AGRN: variants seen among roughly 807,000 people sequenced by gnomAD.
AGRN encodes the protein agrin.
AGRN carries 106 observed loss-of-function variants against 211.0 expected under a neutral mutation model. The ratio of observed to expected loss-of-function variants is 0.50; its 90% CI spans 0.43 to 0.59. The LOEUF (loss-of-function observed/expected upper bound fraction) is 0.59. Among genes scored for constraint, AGRN ranks in the 20% least tolerant of loss-of-function variants. The pLI is 0.00. For synonymous variants in AGRN, 1,525 were observed against 1,332.5 expected (o/e 1.14, Z -3.15); for missense variants, 3,040 against 2,982.6 (o/e 1.02, Z -0.45).
chr1:1,050,078 G>GTT, intron 27 of AGRN, 41 bp downstream of exon 27: 1 of 1,458,834 alleles, frequency 6.9e-7, no homozygotes, highest in African/African-American at 1.7e-5. Context: ...GGGGGGGGGG[G>GTT]TTGAACGTTT....
chr1:1,032,952 C>T lies in AGRN; in HGVS notation c.464-2325C>T, dbSNP rs1644704697. 6.6e-6 allele frequency among the ~76,000 whole-genome samples: 1 copy of T among 152,056 alleles called. No individual in the cohort carries two copies. Among genetic ancestry groups the T allele is most frequent in the African/African-American group, 2.4e-5 (1 of 41,410 alleles). ...GGCCCCTCCCTTACCCCCGGATCCC[C>T]CGGCTGGGCAGCGGCCAGGGAGAGG... is the stretch of plus-strand genomic sequence containing the variant. On this transcript the variant is annotated intron_variant, in intron 2 of 35. Transcript: ENST00000379370. This position sits in a 1 kb window ranked among gnomAD's most constrained non-coding sequence, Gnocchi z 4.7.
chr1:1,044,863 A>G (rs923651986), intron 12 of AGRN, among the ~76,000 whole-genome samples: 48 of 152,198 alleles, frequency 3.2e-4, no homozygotes, highest in Admixed American at 3.0e-3. Context: ...TGACGTCTTC[A>G]GATGTCTGTT....
In AGRN at chr1:1,022,296, C is replaced by T. The variant is rs771686237; in HGVS notation, c.297C>T (p.Asp99=). 15 of 1,613,200 alleles carry T rather than the reference C, an allele frequency of 9.3e-6. No homozygotes were observed. In the East Asian group the frequency reaches 2.5e-4, roughly 26 times the overall value. The change falls in exon 2 of 36, where the codon GAC becomes GAT. Residue 99 remains aspartate (D), a synonymous_variant. Transcript: ENST00000379370. ...AGGTGGTGATCAGCGGCTTTGGAGA[C>T]CCCCTCATCTGTGACAACCAGGTGT... is the stretch of plus-strand genomic sequence containing the variant. ...GNKVVISGFG[D]PLICDNQVST...
At position 1,031,145 on chromosome 1, in the gene AGRN, T is replaced by C. The variant is rs1181763408; in HGVS notation, c.464-4132T>C. Among the ~76,000 whole-genome samples, 1 of 130,440 alleles carries C rather than the reference T, an allele frequency of 7.7e-6. No individual in the cohort carries two copies. The highest frequency in any genetic ancestry group is 3.0e-5 in the African/African-American group (1 of 32,988). 85.6% of individuals were successfully genotyped at this position (130,440 alleles called of 152,430 possible). A position where few individuals can be genotyped will look rare whatever the true frequency, so the allele number is the denominator to read the frequency against. ...GTGAGATGTGTGTGTGTGCAGTGCA[T>C]GGTGCTGTGTGAGATTGTGTGTGTG... On this transcript the variant is annotated intron_variant, in intron 2 of 35. Transcript: ENST00000379370. The surrounding 1 kb of genome is among the most constrained non-coding windows in gnomAD (Gnocchi z 4.8).
In AGRN at chr1:1,040,697, G is replaced by T; in HGVS notation, c.544G>T (p.Val182Leu). The change falls in exon 4 of 36, where the codon GTG (valine) becomes TTG (leucine). Residue 182 changes from valine (V) to leucine (L), a missense_variant. Around this residue, in one of 3 missense-constraint regions of AGRN, gnomAD observed 1,498 missense variants for 1,457.8 expected, o/e 1.03. Transcript: ENST00000379370. ...CRGMLCGFGA[V>L]CEPNAEGPGR... is the part of the protein sequence containing the mutation. ...GGGAATGCTGTGCGGCTTCGGCGCC[G>T]TGTGCGAGCCCAACGCGGAGGGGCC... 4 of 1,547,586 alleles carry T rather than the reference G, an allele frequency of 2.6e-6. No individual in the cohort carries two copies. The highest frequency in any genetic ancestry group is 3.5e-6 in the Non-Finnish European group (4 of 1,146,742).
intron 2 of AGRN, among the ~76,000 whole-genome samples, chr1:1,029,681 G>A (rs1156307422): frequency 8.7e-6 from 1 of 114,730 alleles, no homozygotes; most frequent in African/African-American, 3.1e-5. Flanking sequence ...ATGTGTGTGT[G>A]TGTGTGCAGT....
At chr1:1,034,989 C>G (rs1328698140) in intron 2 of AGRN, 7 of 555,308 alleles carry the variant, frequency 1.3e-5, no homozygotes, top group Non-Finnish European at 2.3e-5. Flanking sequence ...CTGCGGTGGA[C>G]TCTTCCAGGG....
At chr1:1,020,492 C>A in intron 1 of AGRN, 119 bp downstream of exon 1, 2 of 1,038,984 alleles carry the variant, frequency 1.9e-6, no homozygotes, top group South Asian at 2.2e-5. Context: ...GCTCCCTTGG[C>A]GACCGCCAAG....
chr1:1,025,206 G>A (rs1343118460), intron 2 of AGRN, among the ~76,000 whole-genome samples: 1 of 152,132 alleles, frequency 6.6e-6, no homozygotes, highest in African/African-American at 2.4e-5. Flanking sequence ...GGGGGCCAGG[G>A]TCAGAGTGAG....
At position 1,045,876 on chromosome 1, in the gene AGRN, GGTGA is replaced by G. The variant is rs1557709371; in HGVS notation, c.2680+6_2680+9del. ...CCTGGGCCCCGCGGGCTGTGAAGCT[GGTGA>G]GTGAGGGCCAGCGCTACCCTGGGGC... is the stretch of plus-strand genomic sequence containing the variant. On this transcript the variant is annotated splice_donor_variant and splice_donor_region_variant and intron_variant, in intron 15 of 35. Transcript: ENST00000379370. LOFTEE classifies it high-confidence loss of function. 3 of 1,610,624 alleles carry G rather than the reference GGTGA, an allele frequency of 1.9e-6. No homozygotes were observed. The highest frequency in any genetic ancestry group is 2.5e-6 in the Non-Finnish European group (3 of 1,179,884).
At position 1,055,139 on chromosome 1, in the gene AGRN, AG is replaced by A. The variant is rs1257900167; in HGVS notation, c.*161del. ...CGTGCTGCAGACAGACCTAGTGCCG[AG>A]GGATGGACAGGCGAGGTGGCAGCGT... On this transcript the variant is annotated 3_prime_UTR_variant, in exon 36 of 36. Coordinates refer to ENST00000379370, the MANE Select transcript of AGRN (RefSeq NM_198576.4). 7 of 1,162,678 alleles carry A rather than the reference AG, an allele frequency of 6.0e-6. No homozygotes were observed. Among genetic ancestry groups the A allele is most frequent in the Non-Finnish European group, 8.5e-6 (7 of 818,874 alleles). The allele number at this position is 1,162,678 out of a possible 1,614,324, so 72.0% of individuals were successfully genotyped here.
intron 2 of AGRN, among the ~76,000 whole-genome samples, chr1:1,026,175 T>C (rs557246670): frequency 4.4e-4 from 67 of 152,262 alleles, no homozygotes; most frequent in Non-Finnish European, 8.4e-4. Context: ...CTGGCTCCAT[T>C]GTTCCTGCAG....
chr1:1,036,588 G>A (rs1176986765), intron 3 of AGRN, among the ~76,000 whole-genome samples: 1 of 152,164 alleles, frequency 6.6e-6, no homozygotes, highest in African/African-American at 2.4e-5. Context: ...GCAGCGCTGG[G>A]CCTGGGGTGA....
chr1:1,030,888 CAT>C (rs1491478372), intron 2 of AGRN, among the ~76,000 whole-genome samples: 129 of 66,390 alleles, frequency 1.9e-3, no homozygotes, highest in Middle Eastern at 0.02. Flanking sequence ...GTGAGATCAG[CAT>C]GTGTGTGTGT....
Position 1,049,319 on chromosome 1 carries a change from G to C in AGRN, c.4382G>C (p.Arg1461Pro). 6.3e-7 allele frequency: 1 copy of C among 1,597,784 alleles called. No individual in the cohort carries two copies. Among genetic ancestry groups the C allele is most frequent in the Non-Finnish European group, 8.5e-7 (1 of 1,179,250 alleles). The change falls in exon 25 of 36, where the codon CGG (arginine) becomes CCG (proline). Residue 1461 changes from arginine (R) to proline (P), a missense_variant. By Grantham distance (103) the Arg-to-Pro change is moderately radical. This residue lies in a region of AGRN where 1,537 missense variants were observed against 1,505.0 expected (regional missense o/e 1.02). Transcript: ENST00000379370. ...PGQWHRLELS[R>P]HWRRGTLSVD... ...CAGTGGCACCGCCTGGAGCTGTCCC[G>C]GCACTGGCGCCGGGGCACCCTCTCG...
In AGRN at chr1:1,049,259, CG is replaced by C. The variant is rs758239359; in HGVS notation, c.4324del (p.Val1442CysfsTer2). The C allele has an allele frequency of 6.3e-7, 1 of 1,589,312 alleles. No individual in the cohort carries two copies. The highest frequency in any genetic ancestry group is 1.7e-5 in the Admixed American group (1 of 59,176). On this transcript the variant is annotated frameshift_variant, in exon 25 of 36. Coordinates refer to ENST00000379370, the MANE Select transcript of AGRN (RefSeq NM_198576.4). LOFTEE classifies it high-confidence loss of function. ...QLRFDTGSGP[A>X]VLTSAVPVEP... ...AGGTTTGACACAGGTTCGGGGCCGG[CG>C]GTGCTGACCAGTGCCGTGCCGGTAG...
At position 1,051,543 on chromosome 1, in the gene AGRN, G is replaced by A; in HGVS notation, c.5461G>A (p.Ala1821Thr). 1 of 1,570,528 alleles carries A rather than the reference G, an allele frequency of 6.4e-7. No homozygotes were observed. The highest frequency in any genetic ancestry group is 8.6e-7 in the Non-Finnish European group (1 of 1,157,628). ...CTTTGCAGGTCACCCCTGCACCCGG[G>A]CCTCAGGCCACCCCTGCCTCAATGG... ...TSFAGHPCTRASGHPCLNGAS... is the reference protein window; with the variant it reads ...TSFAGHPCTRTSGHPCLNGAS... The change falls in exon 32 of 36, where the codon GCC becomes ACC. Residue 1821 changes from alanine to threonine, a missense_variant. Physicochemically the swap from Ala to Thr is moderately conservative, Grantham distance 58. This residue lies in a region of AGRN where 1,537 missense variants were observed against 1,505.0 expected (regional missense o/e 1.02). Coordinates refer to ENST00000379370, the MANE Select transcript of AGRN (RefSeq NM_198576.4).
chr1:1,048,732 A>T lies in AGRN; in HGVS notation c.4106-135A>T. 2.8e-6 allele frequency: 3 copies of T among 1,074,122 alleles called. No individual in the cohort carries two copies. The highest frequency in any genetic ancestry group is 3.9e-6 in the Non-Finnish European group (3 of 774,040). 66.5% of individuals were successfully genotyped at this position (1,074,122 alleles called of 1,614,324 possible). ...CGGTGAGCCAGGATCGCGCCACTGC[A>T]CTCCAGCCGGGGCAAAAAGAGCAAA... On this transcript the variant is annotated intron_variant, in intron 23 of 35. Transcript: ENST00000379370. This position sits in a 1 kb window ranked among gnomAD's most constrained non-coding sequence, Gnocchi z 5.9.
intron 3 of AGRN, among the ~76,000 whole-genome samples, chr1:1,039,324 CCAGA>C (rs1192242500): frequency 1.3e-4 from 19 of 151,290 alleles, no homozygotes; most frequent in Admixed American, 6.6e-4. Flanking sequence ...GCAGGGACAC[CCAGA>C]CAGACAGCGC....
Sources: allele counts gnomAD v4.1 joint callset (sites outside exome capture counted in the v4.1 genomes callset), GRCh38; gene constraint gnomAD v4.1.1; regional missense constraint gnomAD v4.1.1; non-coding constraint Gnocchi (gnomAD v3.1); transcripts MANE v1.5; gene names NCBI Gene and HGNC (gene_info 2026-07-23, HGNC 2026-07-21).